Variants in NCOR1 observed in about 807,000 individuals in gnomAD.
NCOR1 encodes nuclear receptor corepressor 1.
A neutral mutation model predicts 288.1 loss-of-function variants in NCOR1; 63 were observed. The observed-to-expected ratio is 0.22, with a 90% CI of 0.18 to 0.27. The LOEUF (loss-of-function observed/expected upper bound fraction) is 0.27, where lower values mean the gene tolerates loss of function less well. NCOR1 is among the 10% of genes least tolerant of loss of function. The pLI, the probability that NCOR1 is intolerant of heterozygous loss-of-function variation, is 1.00. For synonymous variants in NCOR1, 1,007 were observed against 1,065.9 expected (o/e 0.94, Z 1.08); for missense variants, 2,397 against 3,019.2 (o/e 0.79, Z 4.83).
At chr17:16,167,020 C>A (rs565975230) in intron 4 of NCOR1, among the ~76,000 whole-genome samples, 11 of 151,938 alleles carry the variant, frequency 7.2e-5, no homozygotes, top group African/African-American at 2.7e-4. Flanking sequence ...GGTGAACCAC[C>A]AGGACTTTCA....
chr17:16,040,197 A>G, intron 43 of NCOR1: 1 of 608,170 alleles, frequency 1.6e-6, no homozygotes. Context: ...TCAGTTCCCT[A>G]GTTTTGACAG....
chr17:16,101,150 A>T, intron 20 of NCOR1, 100 bp downstream of exon 20: 1 of 1,252,574 alleles, frequency 8.0e-7, no homozygotes, highest in Non-Finnish European at 1.1e-6. Context: ...ATAACGTGCC[A>T]ATATTTACAT....
intron 22 of NCOR1, chr17:16,087,425 T>A (rs1307274020): frequency 1.1e-6 from 1 of 908,276 alleles, no homozygotes; most frequent in Non-Finnish European, 1.6e-6. Context: ...GCCCACACCA[T>A]CCAGGGGCTG....
intron 5 of NCOR1, among the ~76,000 whole-genome samples, chr17:16,160,426 G>T (rs539416979): frequency 6.6e-6 from 1 of 152,082 alleles, no homozygotes; most frequent in Admixed American, 6.5e-5. Flanking sequence ...GATGATAAAA[G>T]AAAAATTAGG....
At chr17:16,153,501 A>C (rs909912376) in intron 6 of NCOR1, 106 bp from the exon 7 acceptor site, 48 of 645,196 alleles carry the variant, frequency 7.4e-5, no homozygotes, top group Non-Finnish European at 1.2e-4. Flanking sequence ...AGATGAACTT[A>C]TCCTTATTTC....
chr17:16,106,782 C>A (rs954064843), intron 19 of NCOR1, among the ~76,000 whole-genome samples: 1 of 138,306 alleles, frequency 7.2e-6, no homozygotes, highest in African/African-American at 2.7e-5. Context: ...CTGGGAAAAT[C>A]ATTTCCTCTT....
At chr17:16,045,338 T>C (rs1016661354) in intron 42 of NCOR1, among the ~76,000 whole-genome samples, 2 of 152,158 alleles carry the variant, frequency 1.3e-5, no homozygotes, top group Non-Finnish European at 2.9e-5. Flanking sequence ...CTGTGCCAAC[T>C]CTTAAACCTG....
intron 3 of NCOR1, among the ~76,000 whole-genome samples, chr17:16,180,975 A>G (rs1182479956): frequency 3.3e-5 from 5 of 152,170 alleles, no homozygotes; most frequent in Non-Finnish European, 5.9e-5. Context: ...CCTGGCCAAC[A>G]TGGCGAAACC....
At chr17:16,203,138 C>T (rs577334833) in intron 1 of NCOR1, among the ~76,000 whole-genome samples, 24 of 152,190 alleles carry the variant, frequency 1.6e-4, no homozygotes, top group African/African-American at 5.8e-4. Context: ...AAAAAAACTC[C>T]TAACTGGGCT....
At chr17:16,205,234 A>G (rs1033920635) in intron 1 of NCOR1, among the ~76,000 whole-genome samples, 1 of 151,406 alleles carries the variant, frequency 6.6e-6, no homozygotes, top group Non-Finnish European at 1.5e-5. Context: ...AAAAAAAAAA[A>G]GAAAGAAAAA....
intron 44 of NCOR1, 62 bp from the exon 45 acceptor site, chr17:16,035,006 T>G: frequency 6.7e-7 from 1 of 1,488,018 alleles, no homozygotes; most frequent in East Asian, 2.3e-5. Context: ...ACCAAAATGC[T>G]AATGATTATA....
intron 19 of NCOR1, among the ~76,000 whole-genome samples, chr17:16,102,897 A>G (rs2067902081): frequency 6.6e-6 from 1 of 152,174 alleles, no homozygotes; most frequent in Non-Finnish European, 1.5e-5. Flanking sequence ...CCCAGCCTGC[A>G]TATCTAAATT....
chr17:16,054,947 AGAGT>A (rs2059746579), intron 40 of NCOR1, among the ~76,000 whole-genome samples: 1 of 152,198 alleles, frequency 6.6e-6, no homozygotes, highest in African/African-American at 2.4e-5. Context: ...CAACAAAAAA[AGAGT>A]AAGTGCCAAT....
At chr17:16,186,767 T>A in intron 2 of NCOR1, 80 bp from the exon 3 acceptor site, 1 of 1,289,802 alleles carries the variant, frequency 7.8e-7, no homozygotes, top group Non-Finnish European at 1.1e-6. Flanking sequence ...ATAAAGGTAG[T>A]TATGGGCCAC....
At chr17:16,042,117 T>G (rs753787299) in intron 42 of NCOR1, among the ~76,000 whole-genome samples, 10 of 151,258 alleles carry the variant, frequency 6.6e-5, no homozygotes, top group Non-Finnish European at 1.2e-4. Context: ...AGAGTGCATG[T>G]GCCTAGAAAC....
intron 19 of NCOR1, among the ~76,000 whole-genome samples, chr17:16,104,080 T>C (rs2068127153): frequency 6.6e-6 from 1 of 152,232 alleles, no homozygotes; most frequent in South Asian, 2.1e-4. Flanking sequence ...CCACATGTAC[T>C]AGTTACAGTT....
intron 21 of NCOR1, among the ~76,000 whole-genome samples, chr17:16,095,473 C>T (rs1445962825): frequency 5.4e-5 from 8 of 147,588 alleles, no homozygotes; most frequent in African/African-American, 9.9e-5. Context: ...CCAGCCGCCC[C>T]GTCCGGGAGG....
intron 10 of NCOR1, 68 bp downstream of exon 10, chr17:16,146,308 T>C (rs897194413): frequency 6.8e-7 from 1 of 1,460,054 alleles, no homozygotes; most frequent in African/African-American, 1.4e-5. Context: ...CTAAAAAAAT[T>C]TTTAAAAAAA....
chr17:16,061,945 G>T, intron 36 of NCOR1, 51 bp from the exon 37 acceptor site: 2 of 1,568,640 alleles, frequency 1.3e-6, no homozygotes, highest in South Asian at 1.2e-5. Context: ...CATTTGCTGG[G>T]AATGTGGTGG....
Sources: allele counts gnomAD v4.1 joint callset (sites outside exome capture counted in the v4.1 genomes callset), GRCh38; gene constraint gnomAD v4.1.1; transcripts MANE v1.5; gene names NCBI Gene and HGNC (gene_info 2026-07-23, HGNC 2026-07-21).